Variants in RARB observed in about 807,000 individuals in gnomAD.
RARB encodes the protein HBV-activated protein.
A neutral mutation model predicts 51.9 loss-of-function variants in RARB; 17 were observed. The observed-to-expected ratio is 0.33, with a 90% CI of 0.22 to 0.49. The LOEUF (loss-of-function observed/expected upper bound fraction) is 0.49, where lower values mean the gene tolerates loss of function less well. RARB is among the 20% of genes least tolerant of loss of function. The pLI is 0.99. For synonymous variants in RARB, 215 were observed against 195.4 expected, an observed-to-expected ratio of 1.10 and a Z score of -0.84; for missense variants, 369 against 550.8, an observed-to-expected ratio of 0.67 and a Z score of 3.30.
chr3:25,426,973 A>G (rs1367407572), upstream of RARB, among the ~76,000 whole-genome samples: 1 of 152,220 alleles, frequency 6.6e-6, no homozygotes, highest in African/African-American at 2.4e-5. Context: ...ATTTTAATAA[A>G]AGGATTGGGC....
intron 2 of RARB, among the ~76,000 whole-genome samples, chr3:24,914,251 T>C (rs1695060801): frequency 6.6e-6 from 1 of 152,204 alleles, no homozygotes; most frequent in African/African-American, 2.4e-5. Flanking sequence ...AATCTCTTGA[T>C]GAGTAACATT....
At chr3:24,844,107 A>G (rs1702455693) in intron 1 of RARB, among the ~76,000 whole-genome samples, 1 of 152,142 alleles carries the variant, frequency 6.6e-6, no homozygotes, top group African/African-American at 2.4e-5. Flanking sequence ...CTGCAGATGC[A>G]CGGCAGCCCT....
chr3:25,164,728 A>G (rs982971449), intron 4 of RARB, among the ~76,000 whole-genome samples: 6 of 152,226 alleles, frequency 3.9e-5, no homozygotes, highest in Non-Finnish European at 8.8e-5. Context: ...AAATGAATAA[A>G]TGTTCCATAA....
At chr3:24,909,202 A>G (rs1374872739) in intron 2 of RARB, among the ~76,000 whole-genome samples, 1 of 152,062 alleles carries the variant, frequency 6.6e-6, no homozygotes, top group Non-Finnish European at 1.5e-5. Context: ...CAAATGTTAT[A>G]CTCTGTTCTC....
intron 5 of RARB, among the ~76,000 whole-genome samples, chr3:25,212,962 G>A (rs905051457): frequency 3.0e-4 from 45 of 152,172 alleles, no homozygotes; most frequent in African/African-American, 9.7e-4. Flanking sequence ...GAGCATTGCG[G>A]CACGTAATGT....
chr3:25,554,756 C>T (rs947597415), intron 3 of RARB, among the ~76,000 whole-genome samples: 3 of 152,152 alleles, frequency 2.0e-5, no homozygotes, highest in Admixed American at 6.5e-5. Flanking sequence ...TTCTTTCTTA[C>T]TTTGAGGGCT....
intron 2 of RARB, among the ~76,000 whole-genome samples, chr3:24,921,976 C>T (rs533990201): frequency 7.9e-4 from 120 of 152,278 alleles, no homozygotes; most frequent in Admixed American, 3.4e-3. Flanking sequence ...CAGATCTCAG[C>T]GGACAGTACT....
At chr3:25,443,936 GTAA>G (rs542633998) in intron 1 of RARB, among the ~76,000 whole-genome samples, 1 of 151,490 alleles carries the variant, frequency 6.6e-6, no homozygotes. Flanking sequence ...GTCTCAAAAA[GTAA>G]TAATAATAAT....
chr3:25,392,938 G>A (rs1283032254), intron 5 of RARB, among the ~76,000 whole-genome samples: 1 of 152,068 alleles, frequency 6.6e-6, no homozygotes, highest in Non-Finnish European at 1.5e-5. Context: ...GAATACAAGT[G>A]GTGAATGTGT....
chr3:25,377,560 A>G (rs1262512919), intron 5 of RARB, among the ~76,000 whole-genome samples: 1 of 152,222 alleles, frequency 6.6e-6, no homozygotes, highest in Non-Finnish European at 1.5e-5. Context: ...AAATTAAGTC[A>G]TCTTTTACAC....
chr3:25,575,252 C>A (rs554700607), intron 4 of RARB, among the ~76,000 whole-genome samples: 2 of 152,308 alleles, frequency 1.3e-5, no homozygotes, highest in East Asian at 1.9e-4. Context: ...ACGCTCGCTC[C>A]TGGCCACTCA....
intron 5 of RARB, among the ~76,000 whole-genome samples, chr3:25,179,468 C>G (rs1700820117): frequency 6.6e-6 from 1 of 152,126 alleles, no homozygotes; most frequent in South Asian, 2.1e-4. Flanking sequence ...ATATCAGGGA[C>G]TTAATATATT....
intron 1 of RARB, among the ~76,000 whole-genome samples, chr3:24,839,877 G>A (rs550407078): frequency 1.3e-5 from 2 of 152,246 alleles, no homozygotes; most frequent in African/African-American, 4.8e-5. Flanking sequence ...AGTGCATGAA[G>A]AGGCTCGAAA....
intron 3 of RARB, among the ~76,000 whole-genome samples, chr3:25,105,407 T>C (rs1310024154): frequency 6.8e-6 from 1 of 147,358 alleles, no homozygotes; most frequent in East Asian, 2.0e-4. Context: ...GACAGCTGTT[T>C]AGTGTATACA....
intron 5 of RARB, among the ~76,000 whole-genome samples, chr3:25,271,518 A>G (rs1703257196): frequency 6.6e-6 from 1 of 152,198 alleles, no homozygotes; most frequent in Non-Finnish European, 1.5e-5. Context: ...TGGGAGAATG[A>G]GTTGATATTG....
intron 5 of RARB, among the ~76,000 whole-genome samples, chr3:25,415,441 C>A (rs912683069): frequency 6.6e-6 from 1 of 152,026 alleles, no homozygotes; most frequent in Non-Finnish European, 1.5e-5. Context: ...CCTCATTATT[C>A]CAGCACCATT....
intron 3 of RARB, among the ~76,000 whole-genome samples, chr3:25,118,031 AG>A (rs1463812751): frequency 6.6e-6 from 1 of 152,182 alleles, no homozygotes; most frequent in African/African-American, 2.4e-5. Flanking sequence ...TAGCAGTCCA[AG>A]ATAGGAGGCA....
intron 2 of RARB, among the ~76,000 whole-genome samples, chr3:25,050,314 G>T (rs1698304405): frequency 6.6e-6 from 1 of 152,040 alleles, no homozygotes; most frequent in African/African-American, 2.4e-5. Context: ...AAGACACACT[G>T]CATCACCTTA....
intron 3 of RARB, among the ~76,000 whole-genome samples, chr3:25,114,551 C>T (rs761355751): frequency 9.8e-5 from 15 of 152,332 alleles, no homozygotes; most frequent in South Asian, 2.1e-4. Context: ...CTTGCCACCA[C>T]CTCCCATTTT....
Sources: gnomAD v4.1 joint callset for allele counts (sites outside exome capture counted in the v4.1 genomes callset) on GRCh38, gnomAD v4.1.1 for gene constraint, MANE v1.5 for transcripts, NCBI Gene and HGNC (gene_info 2026-07-23, HGNC 2026-07-21) for gene names.